The following VWA5B1 variants were observed in gnomAD, a reference collection of about 807,000 sequenced individuals.
The protein encoded by VWA5B1 is von Willebrand factor A domain containing 5B1.
VWA5B1 carries 115 observed loss-of-function variants against 118.2 expected under a neutral mutation model. The ratio of observed to expected loss-of-function variants is 0.97; its 90% CI spans 0.84 to 1.14. VWA5B1 has a LOEUF of 1.14. VWA5B1 is among the 50% of genes most tolerant of loss of function. VWA5B1 has a pLI of 0.00. For missense variants in VWA5B1, 1,596 were observed against 1,603.8 expected, an observed-to-expected ratio of 1.00 and a Z score of 0.08; for synonymous variants, 682 against 658.4, an observed-to-expected ratio of 1.04 and a Z score of -0.55.
Position 20,345,521 on chromosome 1 carries a change from T to C in VWA5B1, c.2692T>C (p.Tyr898His). The change falls in exon 17 of 22, where the codon TAC becomes CAC. Residue 898 changes from tyrosine (Y) to histidine (H), a missense_variant. Physicochemically the swap from Tyr to His is moderately conservative, Grantham distance 83 (BLOSUM62 2). Transcript: ENST00000289815. ...CAAGGCCTGCAACATCATTAGCAAATACACAGCCTTCGTGCCTGTGGACGT... is the reference window on the plus strand; with the variant it reads ...CAAGGCCTGCAACATCATTAGCAAACACACAGCCTTCGTGCCTGTGGACGT... ...TSKACNIISKYTAFVPVDVSK... is the reference protein window; with the variant it reads ...TSKACNIISKHTAFVPVDVSK... The C allele has an allele frequency of 6.4e-7, 1 of 1,551,176 alleles. No homozygotes were observed. Among genetic ancestry groups the C allele is most frequent in the Non-Finnish European group, 8.7e-7 (1 of 1,146,976 alleles).
Position 20,336,460 on chromosome 1 carries a change from C to A in VWA5B1, c.1916C>A (p.Ala639Asp), listed in dbSNP as rs781100225. 6.8e-7 allele frequency: 1 copy of A among 1,468,478 alleles called. No homozygotes were observed. Among genetic ancestry groups the A allele is most frequent in the South Asian group, 1.5e-5 (1 of 67,914 alleles). The allele number at this position is 1,468,478 out of a possible 1,614,324, so 91.0% of individuals were successfully genotyped here. A position where few individuals can be genotyped will look rare whatever the true frequency, so the allele number is the denominator to read the frequency against. Residue 639 changes from alanine (A) to aspartate (D), a missense_variant, in exon 13 of 22, where the codon GCC becomes GAC. By Grantham distance (126) the Ala-to-Asp change is moderately radical. Transcript: ENST00000289815. ...GGGCAGGCCAAAAATGCCCGGCTAG[C>A]CAGCGGAGACTCTACCACCAAGCAC... ...ILGQAKNARL[A>D]SGDSTTKHDL... is the part of the protein sequence containing the mutation.
Position 20,297,876 on chromosome 1 carries a change from G to A in VWA5B1, c.-27+6788G>A, listed in dbSNP as rs571865223. The stretch of plus-strand genomic sequence containing the variant: ...GATCCTTAAAATGGGATAATAATCC[G>A]TATTTTGCTCCTATTCATAGAGCCC... On this transcript the variant is annotated intron_variant, in intron 1 of 21. Coordinates refer to ENST00000289815, the MANE Select transcript of VWA5B1 (RefSeq NM_001039500.3). 6.6e-5 allele frequency among the ~76,000 whole-genome samples: 10 copies of A among 152,036 alleles called. No homozygotes were observed. In the East Asian group the frequency reaches 1.2e-3, roughly 18 times the overall value.
Position 20,291,359 on chromosome 1 carries a change from T to TTCTCTCTCTCTCTC in VWA5B1, c.-27+285_-27+298dup, listed in dbSNP as rs67596546. ...TCTCTCTCTTTCTTTCTTTCTTTCT[T>TTCTCTCTCTCTCTC]TCTCTCTCTCTCTCTCTCTCTCTCT... On this transcript the variant is annotated intron_variant, in intron 1 of 21. Coordinates refer to ENST00000289815, the MANE Select transcript of VWA5B1 (RefSeq NM_001039500.3). 8.0e-4 allele frequency among the ~76,000 whole-genome samples: 83 copies of TTCTCTCTCTCTCTC among 103,398 alleles called. 2 individuals carry two copies. The highest frequency in any genetic ancestry group is 2.4e-3 in the African/African-American group (67 of 27,632). The allele number at this position is 103,398 out of a possible 152,430, so 67.8% of individuals were successfully genotyped here. A position where few individuals can be genotyped will look rare whatever the true frequency, so the allele number is the denominator to read the frequency against.
chr1:20,304,674 G>A (rs2100815014), intron 1 of VWA5B1, among the ~76,000 whole-genome samples: 1 of 152,268 alleles, frequency 6.6e-6, no homozygotes, highest in East Asian at 1.9e-4. Context: ...GGAGATCAGT[G>A]AAGCAGCAGC....
intron 12 of VWA5B1, among the ~76,000 whole-genome samples, chr1:20,333,976 A>T (rs2089645178): frequency 6.6e-6 from 1 of 152,234 alleles, no homozygotes; most frequent in South Asian, 2.1e-4. Context: ...GATGGATAGC[A>T]GTTACCACTG....
intron 5 of VWA5B1, 74 bp downstream of exon 5, chr1:20,317,749 G>T: frequency 1.6e-6 from 2 of 1,288,642 alleles, no homozygotes; most frequent in Admixed American, 2.4e-5. Flanking sequence ...ATGGGACGGG[G>T]GTGGGAAGGA....
At chr1:20,337,963 T>G in intron 14 of VWA5B1, 127 bp downstream of exon 14, 1 of 1,226,022 alleles carries the variant, frequency 8.2e-7, no homozygotes, top group Non-Finnish European at 1.2e-6. Context: ...CACTCCCTCT[T>G]TCCTTCCCTA....
At chr1:20,292,154 C>G (rs899783675) in intron 1 of VWA5B1, among the ~76,000 whole-genome samples, 1 of 151,402 alleles carries the variant, frequency 6.6e-6, no homozygotes, top group Non-Finnish European at 1.5e-5. Flanking sequence ...TTCTTTCTCT[C>G]TCTCTCTTTC....
intron 1 of VWA5B1, among the ~76,000 whole-genome samples, chr1:20,303,578 G>T (rs1365171202): frequency 6.6e-6 from 1 of 152,144 alleles, no homozygotes; most frequent in Non-Finnish European, 1.5e-5. Flanking sequence ...CGCAAAATGT[G>T]AGTGGCAGAG....
In VWA5B1 at chr1:20,358,099, C is replaced by A. The variant is rs2090261010; in HGVS notation, c.*3836C>A. Among the ~76,000 whole-genome samples, 1 of 152,178 alleles carries A rather than the reference C, an allele frequency of 6.6e-6. No homozygotes were observed. The highest frequency in any genetic ancestry group is 1.5e-5 in the Non-Finnish European group (1 of 68,046). ...GTCCATAAGCGGCCTCGGTTTCCAG[C>A]CGGCACCCATGTTTCCCCAGCCAGT... On this transcript the variant is annotated 3_prime_UTR_variant, in exon 22 of 22. Transcript: ENST00000289815.
intron 1 of VWA5B1, among the ~76,000 whole-genome samples, chr1:20,291,701 C>T (rs1001965665): frequency 4.6e-5 from 7 of 152,102 alleles, no homozygotes; most frequent in Admixed American, 1.3e-4. Flanking sequence ...TCGGATGCCC[C>T]GCAGCTTGTG....
chr1:20,319,272 T>G lies in VWA5B1; in HGVS notation c.842-110T>G, dbSNP rs897688396. The G allele has an allele frequency of 3.4e-6, 5 of 1,459,732 alleles. No individual in the cohort carries two copies. In the African/African-American group the frequency reaches 7.1e-5, roughly 21 times the overall value. The allele number at this position is 1,459,732 out of a possible 1,614,324, so 90.4% of individuals were successfully genotyped here. A position where few individuals can be genotyped will look rare whatever the true frequency, so the allele number is the denominator to read the frequency against. On this transcript the variant is annotated intron_variant, in intron 6 of 21. Coordinates refer to ENST00000289815, the MANE Select transcript of VWA5B1 (RefSeq NM_001039500.3). The stretch of plus-strand genomic sequence containing the variant: ...AGGCAGCCAGGGCTTCCACCCCGCT[T>G]CCAAATGGGAGTCCCACCCCTGTGA...
chr1:20,310,438 T>G (rs942269029), intron 1 of VWA5B1, 138 bp from the exon 2 acceptor site: 6 of 850,728 alleles, frequency 7.1e-6, no homozygotes, highest in Non-Finnish European at 1.0e-5. Flanking sequence ...GTCACTTCCT[T>G]CCCAGGAACT....
Position 20,355,965 on chromosome 1 carries a change from CACA to C in VWA5B1, c.*1705_*1707del, listed in dbSNP as rs1038975949. On this transcript the variant is annotated 3_prime_UTR_variant, in exon 22 of 22. Transcript: ENST00000289815. ...AGGCAGGCCTGGACACTGTGGCCAT[CACA>C]ACCCCAGGTGGGGCAGGATGCCAAT... Among the ~76,000 whole-genome samples the C allele has an allele frequency of 1.3e-5, 2 of 152,250 alleles. No individual in the cohort carries two copies. Among genetic ancestry groups the C allele is most frequent in the Non-Finnish European group, 2.9e-5 (2 of 68,038 alleles).
At chr1:20,307,816 T>C (rs2088705909) in intron 1 of VWA5B1, among the ~76,000 whole-genome samples, 1 of 152,092 alleles carries the variant, frequency 6.6e-6, no homozygotes, top group South Asian at 2.1e-4. Context: ...CATTCTTTTT[T>C]TTTTTTTTGT....
intron 8 of VWA5B1, among the ~76,000 whole-genome samples, chr1:20,324,660 C>T (rs909886796): frequency 5.3e-5 from 8 of 152,094 alleles, no homozygotes; most frequent in Non-Finnish European, 2.9e-5. Flanking sequence ...TTTCATCTTT[C>T]CCCCTAGTTT....
intron 13 of VWA5B1, among the ~76,000 whole-genome samples, chr1:20,336,721 TA>T (rs2089728426): frequency 1.3e-5 from 2 of 152,176 alleles, no homozygotes; most frequent in Non-Finnish European, 2.9e-5. Context: ...AAAGCCTCGT[TA>T]TGGTGTTAGT....
intron 20 of VWA5B1, among the ~76,000 whole-genome samples, chr1:20,351,424 T>C (rs1196883268): frequency 1.3e-5 from 2 of 151,962 alleles, no homozygotes; most frequent in Non-Finnish European, 2.9e-5. Flanking sequence ...GAGGCCGAGA[T>C]GGGCAGATCA....
intron 21 of VWA5B1, among the ~76,000 whole-genome samples, chr1:20,352,889 G>A (rs1223506036): frequency 1.3e-5 from 2 of 152,190 alleles, no homozygotes. Context: ...ACCCTGGAGA[G>A]ACAACATTGA....
Sources: allele counts gnomAD v4.1 joint callset (sites outside exome capture counted in the v4.1 genomes callset), GRCh38; gene constraint gnomAD v4.1.1; transcripts MANE v1.5; gene names NCBI Gene and HGNC (gene_info 2026-07-23, HGNC 2026-07-21).